Variants in MBNL1 observed in about 807,000 individuals in gnomAD.
The protein encoded by MBNL1 is muscleblind like splicing regulator 1.
MBNL1 carries 8 observed loss-of-function variants against 42.2 expected under a neutral mutation model. The observed-to-expected ratio is 0.19, with a 90% CI of 0.11 to 0.34. The LOEUF is 0.34. Among genes scored for constraint, MBNL1 ranks in the 10% least tolerant of loss-of-function variants. The pLI is 1.00. For synonymous variants in MBNL1, 169 were observed against 173.9 expected, an observed-to-expected ratio of 0.97 and a Z score of 0.22; for missense variants, 309 against 495.3, an observed-to-expected ratio of 0.62 and a Z score of 3.57.
intron 1 of MBNL1, among the ~76,000 whole-genome samples, chr3:152,282,867 C>T (rs955494596): frequency 3.9e-5 from 6 of 152,140 alleles, no homozygotes; most frequent in Middle Eastern, 3.4e-3. Context: ...CAAAATAATA[C>T]GGGAAGAGAA....
At chr3:152,298,444 T>C (rs560747973) in intron 1 of MBNL1, among the ~76,000 whole-genome samples, 1 of 152,360 alleles carries the variant, frequency 6.6e-6, no homozygotes, top group East Asian at 1.9e-4. Context: ...GAATTGTACT[T>C]CTGAAGTGCA....
At chr3:152,353,296 A>G (rs2095243198) in intron 2 of MBNL1, among the ~76,000 whole-genome samples, 1 of 152,180 alleles carries the variant, frequency 6.6e-6, no homozygotes, top group Admixed American at 6.5e-5. Flanking sequence ...TCAGAGAGAG[A>G]TGGGAAAAGA....
chr3:152,457,967 T>C (rs771318121), intron 8 of MBNL1: 17 of 590,526 alleles, frequency 2.9e-5, no homozygotes, highest in Non-Finnish European at 4.6e-5. Flanking sequence ...TATACACACA[T>C]ATATTATATC....
chr3:152,391,433 T>C (rs940721855), intron 2 of MBNL1, among the ~76,000 whole-genome samples: 1 of 152,236 alleles, frequency 6.6e-6, no homozygotes, highest in Non-Finnish European at 1.5e-5. Context: ...CTTCTTTCTA[T>C]GTTTTCGTTT....
intron 3 of MBNL1, among the ~76,000 whole-genome samples, chr3:152,422,491 A>G (rs538966843): frequency 6.6e-6 from 1 of 152,298 alleles, no homozygotes; most frequent in Admixed American, 6.5e-5. Flanking sequence ...ACTCCCACAC[A>G]ATAATAATGG....
intron 2 of MBNL1, among the ~76,000 whole-genome samples, chr3:152,251,052 T>G (rs2034445422): frequency 6.6e-6 from 1 of 152,130 alleles, no homozygotes; most frequent in African/African-American, 2.4e-5. Context: ...AATCAATAAA[T>G]GTAATCCAGC....
At chr3:152,411,545 TG>T (rs1399080736) in intron 2 of MBNL1, among the ~76,000 whole-genome samples, 1 of 152,056 alleles carries the variant, frequency 6.6e-6, no homozygotes, top group East Asian at 1.9e-4. Context: ...CAAAAAAAAC[TG>T]AAGACATATT....
At chr3:152,320,658 T>C (rs2075885685) in intron 2 of MBNL1, among the ~76,000 whole-genome samples, 1 of 151,676 alleles carries the variant, frequency 6.6e-6, no homozygotes. Flanking sequence ...ACTGCCAGGA[T>C]AGAAACATTA....
chr3:152,314,490 C>T (rs2069305790), intron 2 of MBNL1, among the ~76,000 whole-genome samples: 1 of 152,096 alleles, frequency 6.6e-6, no homozygotes, highest in Non-Finnish European at 1.5e-5. Context: ...ATTCTCCTGC[C>T]TCAGCCTCCC....
At chr3:152,308,411 G>A (rs1263632976) in intron 2 of MBNL1, among the ~76,000 whole-genome samples, 1 of 152,180 alleles carries the variant, frequency 6.6e-6, no homozygotes, top group African/African-American at 2.4e-5. Flanking sequence ...CATGCTGTGA[G>A]CCAGTGTAGT....
intron 2 of MBNL1, among the ~76,000 whole-genome samples, chr3:152,375,024 G>A (rs754614322): frequency 1.3e-5 from 2 of 151,342 alleles, no homozygotes; most frequent in Non-Finnish European, 2.9e-5. Flanking sequence ...CTTTTTTTTC[G>A]CGACAGACTC....
chr3:152,245,287 A>AT (rs535490209), intron 2 of MBNL1, among the ~76,000 whole-genome samples: 1 of 152,156 alleles, frequency 6.6e-6, no homozygotes, highest in Admixed American at 6.6e-5. Context: ...TAATATAGCA[A>AT]TTTTTAAATC....
Position 152,463,253 on chromosome 3 carries a change from G to C in MBNL1, c.*887G>C, listed in dbSNP as rs1303683991. 4 of 150,466 alleles carry C rather than the reference G, an allele frequency of 2.7e-5. No homozygotes were observed. The highest frequency in any genetic ancestry group is 5.9e-5 in the Non-Finnish European group (4 of 67,564). 9.3% of individuals were successfully genotyped at this position (150,466 alleles called of 1,614,324 possible). Reference sequence around the variant, plus strand: ...AATACAGATAAACTCACACATACTGGAGATATATATATAATAGATATATAT... The same window carrying C: ...AATACAGATAAACTCACACATACTGCAGATATATATATAATAGATATATAT... On this transcript the variant is annotated 3_prime_UTR_variant, in exon 10 of 10. Transcript: ENST00000324210.
intron 2 of MBNL1, among the ~76,000 whole-genome samples, chr3:152,363,467 C>A (rs2096138069): frequency 6.6e-6 from 1 of 152,108 alleles, no homozygotes; most frequent in Admixed American, 6.6e-5. Context: ...AAGAGCAGTT[C>A]ATGGAAGACC....
At chr3:152,360,109 C>T (rs1358311122) in intron 2 of MBNL1, among the ~76,000 whole-genome samples, 2 of 152,136 alleles carry the variant, frequency 1.3e-5, no homozygotes, top group African/African-American at 2.4e-5. Flanking sequence ...AATGTTTAAT[C>T]ATCCTAATTT....
Position 152,465,453 on chromosome 3 carries a change from A to G in MBNL1, c.*3087A>G, listed in dbSNP as rs1560729336. 1 of 152,598 alleles carries G rather than the reference A, an allele frequency of 6.6e-6. No individual in the cohort carries two copies. Among genetic ancestry groups the G allele is most frequent in the Non-Finnish European group, 1.5e-5 (1 of 68,024 alleles). The allele number at this position is 152,598 out of a possible 1,614,324, so 9.5% of individuals were successfully genotyped here. A position where few individuals can be genotyped will look rare whatever the true frequency, so the allele number is the denominator to read the frequency against. ...ACGCAGTTCAAATTTCATGGTTTTA[A>G]TTTTCAACTCAGAAGCACTCAAAAA... On this transcript the variant is annotated 3_prime_UTR_variant, in exon 10 of 10. Coordinates refer to ENST00000324210, the MANE Select transcript of MBNL1 (RefSeq NM_021038.5).
chr3:152,376,852 A>G (rs1478560527), intron 2 of MBNL1, among the ~76,000 whole-genome samples: 1 of 152,114 alleles, frequency 6.6e-6, no homozygotes, highest in Admixed American at 6.5e-5. Flanking sequence ...CTTCTTGGGG[A>G]AAATGGGTCT....
chr3:152,326,637 A>G (rs2080324469), intron 2 of MBNL1, among the ~76,000 whole-genome samples: 2 of 152,184 alleles, frequency 1.3e-5, no homozygotes, highest in Non-Finnish European at 2.9e-5. Flanking sequence ...AACATAGTTT[A>G]TATCAGAAAA....
intron 2 of MBNL1, among the ~76,000 whole-genome samples, chr3:152,406,660 T>G (rs2098436798): frequency 8.5e-5 from 13 of 152,178 alleles, no homozygotes. Context: ...GAAAAAAAAG[T>G]CATAGTATCC....
Sources: allele counts gnomAD v4.1 joint callset (sites outside exome capture counted in the v4.1 genomes callset), GRCh38; gene constraint gnomAD v4.1.1; transcripts MANE v1.5; gene names NCBI Gene and HGNC (gene_info 2026-07-23, HGNC 2026-07-21).